Variants in LRP1B observed in about 807,000 individuals in gnomAD.
LRP1B encodes the protein LDL receptor related protein 1B.
In LRP1B, 217 loss-of-function variants were observed where a neutral mutation model predicts 556.6. That is an observed-to-expected ratio of 0.39 (90% CI 0.35 to 0.44). The LOEUF is 0.44. Among genes scored for constraint, LRP1B ranks in the 20% least tolerant of loss-of-function variants. The pLI is 1.00. For missense variants in LRP1B, 5,053 were observed against 5,620.8 expected (o/e 0.90, Z 3.23); for synonymous variants, 2,047 against 1,865.8 (o/e 1.10, Z -2.50).
At chr2:140,638,644 T>G (rs960584427) in intron 41 of LRP1B, among the ~76,000 whole-genome samples, 8 of 152,208 alleles carry the variant, frequency 5.3e-5, no homozygotes, top group African/African-American at 1.9e-4. Context: ...ACTGGCTATG[T>G]ATGACATAAG....
At chr2:140,422,581 G>A (rs1685491195) in intron 66 of LRP1B, among the ~76,000 whole-genome samples, 1 of 152,098 alleles carries the variant, frequency 6.6e-6, no homozygotes, top group Non-Finnish European at 1.5e-5. Context: ...TTGGCCAAAA[G>A]GTGATGAAAG....
At chr2:140,408,767 GA>G (rs1162047396) in intron 66 of LRP1B, among the ~76,000 whole-genome samples, 4 of 151,734 alleles carry the variant, frequency 2.6e-5, no homozygotes, top group African/African-American at 9.7e-5. Context: ...CTACATCAGA[GA>G]AAAAAATGAT....
chr2:140,756,930 TC>T (rs1182523331), intron 35 of LRP1B, among the ~76,000 whole-genome samples: 7 of 152,164 alleles, frequency 4.6e-5, no homozygotes, highest in African/African-American at 1.7e-4. Context: ...GGGAGTTTTA[TC>T]TAGAATGTAT....
intron 2 of LRP1B, among the ~76,000 whole-genome samples, chr2:141,522,931 T>A (rs933966791): frequency 6.6e-6 from 1 of 152,094 alleles, no homozygotes; most frequent in Admixed American, 6.6e-5. Flanking sequence ...CATAGACAGA[T>A]CCAAATGACT....
At chr2:140,662,026 G>A (rs976999199) in intron 41 of LRP1B, among the ~76,000 whole-genome samples, 1 of 151,996 alleles carries the variant, frequency 6.6e-6, no homozygotes, top group African/African-American at 2.4e-5. Flanking sequence ...AAACTTGGAA[G>A]TAACTCTAAC....
chr2:140,251,008 C>A (rs1681389329), intron 86 of LRP1B, among the ~76,000 whole-genome samples: 2 of 151,658 alleles, frequency 1.3e-5, no homozygotes, highest in Admixed American at 1.3e-4. Flanking sequence ...GTAATTAATT[C>A]TCATCTGAAT....
intron 3 of LRP1B, among the ~76,000 whole-genome samples, chr2:141,331,889 C>T (rs1687671319): frequency 6.6e-6 from 1 of 152,238 alleles, no homozygotes; most frequent in African/African-American, 2.4e-5. Flanking sequence ...TGTTCTACCC[C>T]ACATCTGCTA....
chr2:140,717,129 T>G (rs1276953079), intron 35 of LRP1B, among the ~76,000 whole-genome samples: 2 of 152,076 alleles, frequency 1.3e-5, no homozygotes, highest in Non-Finnish European at 2.9e-5. Context: ...TTATCCTGCA[T>G]GAATTTGCAG....
chr2:140,850,218 A>G lies in LRP1B; in HGVS notation c.4823T>C (p.Val1608Ala). Reference sequence around the variant, plus strand: ...AGATGCATCGAAGTCTATCACAGTAACGTCATCAATATCAGGGACTGTAAA... The same window carrying G: ...AGATGCATCGAAGTCTATCACAGTAGCGTCATCAATATCAGGGACTGTAAA... ...TAFTVPDIDD[V>A]TVIDFDASEE... The change falls in exon 29 of 91, where the codon GTT becomes GCT. Residue 1608 changes from valine (V) to alanine (A), a missense_variant. This residue lies in a region of LRP1B where 3,619 missense variants were observed against 3,931.9 expected (regional missense o/e 0.92). Transcript: ENST00000389484. The G allele has an allele frequency of 6.2e-7, 1 of 1,612,988 alleles. No homozygotes were observed.
At chr2:140,632,479 GA>G (rs1267152006) in intron 41 of LRP1B, among the ~76,000 whole-genome samples, 1 of 151,572 alleles carries the variant, frequency 6.6e-6, no homozygotes, top group Non-Finnish European at 1.5e-5. Context: ...CAAACCATAG[GA>G]AAAACACTAA....
intron 6 of LRP1B, among the ~76,000 whole-genome samples, chr2:141,222,609 A>T (rs1683091125): frequency 6.6e-6 from 1 of 152,126 alleles, no homozygotes; most frequent in South Asian, 2.1e-4. Flanking sequence ...TCCCCAATGA[A>T]CATCAATGCA....
At chr2:141,722,027 G>A (rs1692834981) in intron 2 of LRP1B, among the ~76,000 whole-genome samples, 1 of 152,116 alleles carries the variant, frequency 6.6e-6, no homozygotes, top group Non-Finnish European at 1.5e-5. Flanking sequence ...GTTACTAGAG[G>A]ATGCTCAAAT....
In LRP1B at chr2:140,322,093, TGAAACAAAAG is replaced by T. The variant is rs773386426; in HGVS notation, c.12515-15_12515-6del. The T allele has an allele frequency of 1.2e-6, 2 of 1,609,846 alleles. No homozygotes were observed. The highest frequency in any genetic ancestry group is 1.3e-5 in the African/African-American group (1 of 74,552). On this transcript the variant is annotated splice_region_variant and splice_polypyrimidine_tract_variant and intron_variant, in intron 81 of 90. Transcript: ENST00000389484. ...AATCCAAGCATGGATTGGGTACTGG[TGAAACAAAAG>T]AAAACAAAGAAGTGTGTAAATATAG... is the stretch of plus-strand genomic sequence containing the variant.
intron 31 of LRP1B, among the ~76,000 whole-genome samples, chr2:140,839,757 T>A (rs1364814176): frequency 1.3e-5 from 2 of 152,180 alleles, no homozygotes; most frequent in East Asian, 1.9e-4. Context: ...GAGTCAATTC[T>A]CCTAATAACT....
intron 1 of LRP1B, among the ~76,000 whole-genome samples, chr2:142,041,664 A>G (rs142690617): frequency 1.3e-5 from 2 of 151,576 alleles, no homozygotes; most frequent in Admixed American, 6.6e-5. Context: ...GAAGAGCTTT[A>G]AGAATTACTA....
intron 2 of LRP1B, among the ~76,000 whole-genome samples, chr2:141,613,315 G>C (rs6752894): frequency 0.65 from 99,081 of 151,864 alleles, 34,979 homozygotes; most frequent in Non-Finnish European, 0.79. Flanking sequence ...GTATTACTGG[G>C]ACCTCTAGAA....
At chr2:140,850,354 TCTC>T in intron 28 of LRP1B, 25 bp from the exon 29 acceptor site, 2 of 1,457,388 alleles carry the variant, frequency 1.4e-6, no homozygotes, top group Non-Finnish European at 1.9e-6. Context: ...GAAATTCTTT[TCTC>T]TTATGAAGTT....
chr2:141,508,096 A>C (rs1559111380), intron 2 of LRP1B, among the ~76,000 whole-genome samples: 1 of 151,180 alleles, frequency 6.6e-6, no homozygotes, highest in Non-Finnish European at 1.5e-5. Context: ...CCCCCCAAAA[A>C]AAAAGAAAGA....
intron 1 of LRP1B, among the ~76,000 whole-genome samples, chr2:141,984,007 A>C (rs749057768): frequency 1.3e-5 from 2 of 152,004 alleles, no homozygotes; most frequent in Non-Finnish European, 2.9e-5. Flanking sequence ...GTTGCAGTGA[A>C]CCAAGATCGT....
Sources: allele counts gnomAD v4.1 joint callset (sites outside exome capture counted in the v4.1 genomes callset), GRCh38; gene constraint gnomAD v4.1.1; regional missense constraint gnomAD v4.1.1; transcripts MANE v1.5; gene names NCBI Gene and HGNC (gene_info 2026-07-23, HGNC 2026-07-21).